Variants in MLXIPL observed in about 807,000 individuals in gnomAD.
MLXIPL encodes MLX interacting protein like, also known as carbohydrate-responsive element-binding protein.
In MLXIPL, 49 loss-of-function variants were observed where a neutral mutation model predicts 81.5. The observed-to-expected ratio is 0.60, with a 90% confidence interval of 0.48 to 0.76. The LOEUF is 0.76. Ranked by LOEUF, MLXIPL falls within the 30% of genes least tolerant of loss-of-function variation. MLXIPL has a pLI of 0.00. For missense variants in MLXIPL, 1,053 were observed against 1,167.0 expected (o/e 0.90, Z 1.42); for synonymous variants, 466 against 485.5 (o/e 0.96, Z 0.53).
intron 7 of MLXIPL, among the ~76,000 whole-genome samples, chr7:73,602,394 G>A (rs2116299290): frequency 6.6e-6 from 1 of 151,518 alleles, no homozygotes; most frequent in Admixed American, 6.6e-5. Context: ...GACCAGGCCA[G>A]GCGCGGTGGC....
chr7:73,593,750 A>C lies in MLXIPL; in HGVS notation c.*115T>G. 5 of 933,248 alleles carry C rather than the reference A, an allele frequency of 5.4e-6. No homozygotes were observed. The highest frequency in any genetic ancestry group is 2.4e-5 in the East Asian group (1 of 40,886). The allele number at this position is 933,248 out of a possible 1,614,324, so 57.8% of individuals were successfully genotyped here. ...TGGACCCTGCTCCACCCCCCAGGGA[A>C]GGGCAGAGCCAGGGCCTGGGGCAGG... On this transcript the variant is annotated 3_prime_UTR_variant, in exon 17 of 17. Coordinates refer to ENST00000313375, the MANE Select transcript of MLXIPL (RefSeq NM_032951.3).
chr7:73,603,334 T>A (rs1795037588), intron 7 of MLXIPL, among the ~76,000 whole-genome samples: 1 of 152,158 alleles, frequency 6.6e-6, no homozygotes, highest in South Asian at 2.1e-4. Flanking sequence ...AGACATCGCC[T>A]CCTAGCCCCA....
chr7:73,604,705 G>A (rs1795147427), intron 7 of MLXIPL, among the ~76,000 whole-genome samples: 1 of 152,172 alleles, frequency 6.6e-6, no homozygotes, highest in African/African-American at 2.4e-5. Flanking sequence ...TTTTTGCTGA[G>A]CTACTCTTTC....
At chr7:73,645,910 A>G in the MLXIPL span, among the ~76,000 whole-genome samples, 1 of 152,164 alleles carries the variant, frequency 6.6e-6, no homozygotes, top group Non-Finnish European at 1.5e-5. Context: ...TCTGGTTATC[A>G]GGAAGAAGGA....
At position 73,604,495 on chromosome 7, in the gene MLXIPL, C is replaced by A. The variant is rs373241986; in HGVS notation, c.901+1193G>T. On this transcript the variant is annotated intron_variant, in intron 7 of 16. Transcript: ENST00000313375. Reference sequence around the variant, plus strand: ...GGCTGAGGTGGGAGGATCACTTGAGCCTGGGAGGTTGAGGCTGCAGTGAGC... The same window carrying A: ...GGCTGAGGTGGGAGGATCACTTGAGACTGGGAGGTTGAGGCTGCAGTGAGC... 4.3e-4 allele frequency among the ~76,000 whole-genome samples: 65 copies of A among 152,096 alleles called. 1 individual carries two copies. In the South Asian group the frequency reaches 0.012, roughly 29 times the overall value.
At chr7:73,621,539 C>T (rs1036172662) in intron 1 of MLXIPL, among the ~76,000 whole-genome samples, 2 of 152,014 alleles carry the variant, frequency 1.3e-5, no homozygotes, top group Non-Finnish European at 2.9e-5. Flanking sequence ...CTGTAATCTG[C>T]TCCCCTCCAG....
At chr7:73,607,168 G>A in intron 4 of MLXIPL, 150 bp from the exon 5 acceptor site, 1 of 1,259,174 alleles carries the variant, frequency 7.9e-7, no homozygotes, top group Non-Finnish European at 1.1e-6. Context: ...GCTAGGAGAC[G>A]CTGTGGCCAC....
chr7:73,599,813 C>G (rs1554595514), intron 7 of MLXIPL, 118 bp from the exon 8 acceptor site: 29 of 987,964 alleles, frequency 2.9e-5, no homozygotes, highest in East Asian at 7.3e-5. Flanking sequence ...GACTGGCGGG[C>G]AGAGGGTGGG....
rs1464403669 is a variant in MLXIPL, at chr7:73,596,573, C to T, written c.1822+66G>A. 1.9e-5 allele frequency: 31 copies of T among 1,598,910 alleles called. No homozygotes were observed. The highest frequency in any genetic ancestry group is 2.7e-5 in the African/African-American group (2 of 74,586). On this transcript the variant is annotated intron_variant, in intron 11 of 16. Transcript: ENST00000313375. The surrounding 1 kb of genome is among the most constrained non-coding windows in gnomAD (Gnocchi z 4.7). Reference sequence around the variant, plus strand: ...TCTCATCTGGCCCCAGACCCAGTCCCCTTCTTCTTCCTCCTCTTCCCCTCA... The same window carrying T: ...TCTCATCTGGCCCCAGACCCAGTCCTCTTCTTCTTCCTCCTCTTCCCCTCA...
rs577710856 is a variant in MLXIPL at position 73,613,942 on chromosome 7, G to A, written c.400+2129C>T. ...ATCTGAGGTCAGGAGTTCGAGACCA[G>A]CCTGGACAACATGGTGAAACCCTGT... is the stretch of plus-strand genomic sequence containing the variant. On this transcript the variant is annotated intron_variant, in intron 2 of 16. Transcript: ENST00000313375. Among the ~76,000 whole-genome samples the A allele has an allele frequency of 2.0e-5, 3 of 152,322 alleles. No individual in the cohort carries two copies. The East Asian group carries it at 5.8e-4, about 29-fold the overall frequency.
At chr7:73,630,637 T>G in the MLXIPL span, among the ~76,000 whole-genome samples, 1 of 152,262 alleles carries the variant, frequency 6.6e-6, no homozygotes, top group South Asian at 2.1e-4. Context: ...AAAACAACCT[T>G]TGCTGAAGGT....
the MLXIPL span, among the ~76,000 whole-genome samples, chr7:73,635,873 A>G: frequency 6.6e-6 from 1 of 152,170 alleles, no homozygotes; most frequent in Non-Finnish European, 1.5e-5. Context: ...CAGTACACAT[A>G]TTAACCGCCT....
At chr7:73,617,616 G>T (rs550139497) in intron 1 of MLXIPL, among the ~76,000 whole-genome samples, 1 of 152,210 alleles carries the variant, frequency 6.6e-6, no homozygotes, top group South Asian at 2.1e-4. Flanking sequence ...AGGCCAAGGC[G>T]GGAGGATCGC....
rs782813131 is a variant in MLXIPL at position 73,594,386 on chromosome 7, C to A, written c.2328G>T (p.Arg776=). 9.3e-6 allele frequency: 15 copies of A among 1,604,350 alleles called. No individual in the cohort carries two copies. The highest frequency in any genetic ancestry group is 1.6e-4 in the Middle Eastern group (1 of 6,082). ...WKFWVFSILI[R]PLFESFNGMV... ...TCCCGTTGAAGGACTCAAACAGAGG[C>A]CGGATGAGGATGCTGAACTGGGCCC... The change falls in exon 16 of 17, where the codon CGG becomes CGT. Residue 776 remains arginine (R), a synonymous_variant. Transcript: ENST00000313375.
chr7:73,605,518 C>A (rs1554597658), intron 7 of MLXIPL, among the ~76,000 whole-genome samples, 170 bp downstream of exon 7: 1 of 152,062 alleles, frequency 6.6e-6, no homozygotes, highest in African/African-American at 2.4e-5. Context: ...TGCACTGCAA[C>A]CTTGGTGACA....
chr7:73,607,124 T>G, intron 4 of MLXIPL, 106 bp from the exon 5 acceptor site: 1 of 1,458,948 alleles, frequency 6.9e-7, no homozygotes, highest in Non-Finnish European at 9.4e-7. Flanking sequence ...CCATTTCCCA[T>G]CAGGAGCTCA....
At position 73,606,216 on chromosome 7, in the gene MLXIPL, C is replaced by T. The variant is rs2116347324; in HGVS notation, c.619-105G>A. 5 of 1,166,338 alleles carry T rather than the reference C, an allele frequency of 4.3e-6. No individual in the cohort carries two copies. The South Asian group carries it at 6.6e-5, about 15-fold the overall frequency. The allele number at this position is 1,166,338 out of a possible 1,614,324, so 72.2% of individuals were successfully genotyped here. ...GTGGTCAGCAGGACAGAGGGTCTGTCTGTTCACACCTCTGTCACCTTTCCC... is the reference window on the plus strand; with the variant it reads ...GTGGTCAGCAGGACAGAGGGTCTGTTTGTTCACACCTCTGTCACCTTTCCC... On this transcript the variant is annotated intron_variant, in intron 5 of 16. Transcript: ENST00000313375.
upstream of MLXIPL, among the ~76,000 whole-genome samples, chr7:73,629,525 G>A (rs998099630): frequency 1.3e-5 from 2 of 152,110 alleles, no homozygotes; most frequent in African/African-American, 4.8e-5. Context: ...TTGAGCCCAG[G>A]GGTTCGAGAC....
At chr7:73,618,083 G>A (rs782034225) in intron 1 of MLXIPL, among the ~76,000 whole-genome samples, 1 of 152,076 alleles carries the variant, frequency 6.6e-6, no homozygotes, top group African/African-American at 2.4e-5. Flanking sequence ...GAAGGCTGAG[G>A]CCCCAAGTCT....
Sources: allele counts gnomAD v4.1 joint callset (sites outside exome capture counted in the v4.1 genomes callset), GRCh38; gene constraint gnomAD v4.1.1; non-coding constraint Gnocchi (gnomAD v3.1); transcripts MANE v1.5; gene names NCBI Gene and HGNC (gene_info 2026-07-23, HGNC 2026-07-21).